LCMT1: variants seen among roughly 807,000 people sequenced by gnomAD.
LCMT1 encodes [Phosphatase 2A protein]-leucine-carboxy methyltransferase 1.
Under a neutral mutation model 47.7 loss-of-function variants are expected in LCMT1, and 32 were observed. The observed-to-expected ratio is 0.67, with a 90% CI of 0.51 to 0.90. The LOEUF (loss-of-function observed/expected upper bound fraction) is 0.90, where lower values mean the gene tolerates loss of function less well. Ranked by LOEUF, LCMT1 falls within the 40% of genes least tolerant of loss-of-function variation. LCMT1 has a pLI of 0.00. For synonymous variants in LCMT1, 152 were observed against 149.7 expected (o/e 1.02, Z -0.11); for missense variants, 375 against 415.2 (o/e 0.90, Z 0.84).
intron 5 of LCMT1, among the ~76,000 whole-genome samples, chr16:25,156,399 G>A (rs1275525518): frequency 1.3e-5 from 2 of 152,214 alleles, no homozygotes; most frequent in African/African-American, 4.8e-5. Flanking sequence ...GAATACTCAC[G>A]TGACTGCTTG....
At chr16:25,128,878 A>C in intron 2 of LCMT1, among the ~76,000 whole-genome samples, 1 of 129,262 alleles carries the variant, frequency 7.7e-6, no homozygotes, top group Non-Finnish European at 1.6e-5. Flanking sequence ...TGACACAGAG[A>C]GGGGAACATC....
intron 4 of LCMT1, chr16:25,146,128 T>C (rs277911): frequency 0.7 from 105,865 of 152,198 alleles, 37,437 homozygotes; most frequent in Non-Finnish European, 0.77. Flanking sequence ...AAGTAAATTT[T>C]CTTACCTTAG....
chr16:25,167,029 CT>C (rs1381081905), intron 7 of LCMT1, among the ~76,000 whole-genome samples: 1 of 152,094 alleles, frequency 6.6e-6, no homozygotes, highest in African/African-American at 2.4e-5. Context: ...TTTGTGTATT[CT>C]TTTGTTGAAC....
chr16:25,151,580 T>C lies in LCMT1; in HGVS notation c.431T>C (p.Ile144Thr). Residue 144 changes from isoleucine (I) to threonine (T), a missense_variant, in exon 5 of 11, where the codon ATT (isoleucine) becomes ACT (threonine). Transcript: ENST00000399069. ...TGCAAGCCTCCCCTATCCAGCCCCATTCTAGAACTGCATTCAGAGGACACA... is the reference window on the plus strand; with the variant it reads ...TGCAAGCCTCCCCTATCCAGCCCCACTCTAGAACTGCATTCAGAGGACACA... ...IKCKPPLSSP[I>T]LELHSEDTLQ... 6.2e-7 allele frequency: 1 copy of C among 1,613,580 alleles called. No homozygotes were observed. The highest frequency in any genetic ancestry group is 1.1e-5 in the South Asian group (1 of 90,976).
chr16:25,128,505 C>T lies in LCMT1; in HGVS notation c.144C>T (p.Asp48=). 6.2e-7 allele frequency: 1 copy of T among 1,610,736 alleles called. No homozygotes were observed. The highest frequency in any genetic ancestry group is 8.5e-7 in the Non-Finnish European group (1 of 1,178,554). The change falls in exon 2 of 11, where the codon GAC becomes GAT. Residue 48 remains aspartate, a synonymous_variant. Transcript: ENST00000399069. ...CAGTAAGCATTGGCTACTGGCATGA[C>T]CCTTACATACAGCACTTTGTGAGAC... The part of the protein sequence containing the change: ...RFAVSIGYWH[D]PYIQHFVRLS...
chr16:25,123,608 T>C (rs1029682520), intron 1 of LCMT1, among the ~76,000 whole-genome samples: 2 of 134,176 alleles, frequency 1.5e-5, no homozygotes, highest in Non-Finnish European at 3.2e-5. Context: ...TTCTTTTTTT[T>C]TTTTTTTTTT....
chr16:25,173,744 T>A (rs1412568163), intron 9 of LCMT1, among the ~76,000 whole-genome samples: 1 of 152,036 alleles, frequency 6.6e-6, no homozygotes, highest in Non-Finnish European at 1.5e-5. Context: ...GGAGTCTTGC[T>A]ATGTTGCCTA....
Position 25,161,516 on chromosome 16 carries a change from C to G in LCMT1, c.569+312C>G, listed in dbSNP as rs141443235. 4.2e-3 allele frequency among the ~76,000 whole-genome samples: 633 copies of G among 152,210 alleles called. 3 individuals are homozygous for G. The highest frequency in any genetic ancestry group is 0.013 in the African/African-American group (557 of 41,528). On this transcript the variant is annotated intron_variant, in intron 6 of 10. Transcript: ENST00000399069. The stretch of plus-strand genomic sequence containing the variant: ...GGATTACAGGCATGCGCCACCATGC[C>G]TGGCTAAGTTTGTATTTTTAGTAGA...
intron 1 of LCMT1, among the ~76,000 whole-genome samples, chr16:25,120,651 A>G (rs1597558896): frequency 6.8e-6 from 1 of 147,998 alleles, no homozygotes; most frequent in Non-Finnish European, 1.5e-5. Context: ...CTGTTCTCGA[A>G]CTCCTGACCT....
chr16:25,159,304 C>T (rs1303450552), intron 5 of LCMT1, among the ~76,000 whole-genome samples: 1 of 152,234 alleles, frequency 6.6e-6, no homozygotes, highest in Non-Finnish European at 1.5e-5. Flanking sequence ...GGTCTTTGCT[C>T]TGTTGCCCAG....
intron 1 of LCMT1, among the ~76,000 whole-genome samples, chr16:25,118,158 C>T (rs1802265184): frequency 6.6e-6 from 1 of 152,252 alleles, no homozygotes; most frequent in Middle Eastern, 3.4e-3. Flanking sequence ...GCTTAATGGC[C>T]TCCTGTTGCC....
At chr16:25,173,825 G>A (rs914911983) in intron 9 of LCMT1, among the ~76,000 whole-genome samples, 2 of 152,028 alleles carry the variant, frequency 1.3e-5, no homozygotes, top group Admixed American at 6.6e-5. Context: ...CATTAGAGGC[G>A]TGAGCCACTG....
chr16:25,148,698 A>G (rs1960957076), intron 4 of LCMT1: 1 of 152,198 alleles, frequency 6.6e-6, no homozygotes, highest in East Asian at 1.9e-4. Context: ...GACCAGAGGA[A>G]AACTTACCAG....
chr16:25,117,869 T>A lies in LCMT1; in HGVS notation c.113+5873T>A, dbSNP rs1006488436. Among the ~76,000 whole-genome samples, 31 of 148,460 alleles carry A rather than the reference T, an allele frequency of 2.1e-4. 1 individual carries two copies. The highest frequency in any genetic ancestry group is 7.0e-4 in the African/African-American group (27 of 38,700). On this transcript the variant is annotated intron_variant, in intron 1 of 10. Coordinates refer to ENST00000399069, the MANE Select transcript of LCMT1 (RefSeq NM_016309.3). ...TCCGTCTCAAAAAAAAAAAAAAAAA[T>A]TTGACATCATCTTGGAACTGCCCCT...
chr16:25,119,895 T>A (rs1289858170), intron 1 of LCMT1, among the ~76,000 whole-genome samples: 1 of 152,014 alleles, frequency 6.6e-6, no homozygotes, highest in Non-Finnish European at 1.5e-5. Flanking sequence ...GCACGGTGGC[T>A]CATGCCTGTA....
chr16:25,134,323 C>A (rs901094299), intron 3 of LCMT1, among the ~76,000 whole-genome samples: 1 of 152,192 alleles, frequency 6.6e-6, no homozygotes, highest in Non-Finnish European at 1.5e-5. Flanking sequence ...ATTCTCTTCT[C>A]AAGATATAAT....
At chr16:25,143,561 G>A (rs1257303847) in intron 4 of LCMT1, 13 of 152,038 alleles carry the variant, frequency 8.6e-5, no homozygotes, top group Admixed American at 7.9e-4. Context: ...CCCTTGACCC[G>A]TCCAGTAAAA....
At chr16:25,158,013 A>G (rs963523553) in intron 5 of LCMT1, among the ~76,000 whole-genome samples, 1 of 152,258 alleles carries the variant, frequency 6.6e-6, no homozygotes, top group African/African-American at 2.4e-5. Context: ...TGAAATAAAA[A>G]TACCATTTTT....
At chr16:25,137,621 T>G (rs1323871712) in intron 3 of LCMT1, among the ~76,000 whole-genome samples, 2 of 151,746 alleles carry the variant, frequency 1.3e-5, no homozygotes, top group Non-Finnish European at 2.9e-5. Context: ...AATTTGTATT[T>G]TTGGTAGAGA....
Sources: gnomAD v4.1 joint callset for allele counts (sites outside exome capture counted in the v4.1 genomes callset) on GRCh38, gnomAD v4.1.1 for gene constraint, MANE v1.5 for transcripts, NCBI Gene and HGNC (gene_info 2026-07-23, HGNC 2026-07-21) for gene names.